PNOC: variants seen among roughly 807,000 people sequenced by gnomAD.
The protein encoded by PNOC is prepronociceptin, also known as nociceptin.
A neutral mutation model predicts 15.6 loss-of-function variants in PNOC; 10 were observed. That is an observed-to-expected ratio of 0.64 (90% CI 0.40 to 1.09). PNOC has a LOEUF of 1.09. Among genes scored for constraint, PNOC ranks in the 50% least tolerant of loss-of-function variants. The pLI is 0.01. For missense variants in PNOC, 220 were observed against 223.9 expected (o/e 0.98, Z 0.11); for synonymous variants, 98 against 88.5 (o/e 1.11, Z -0.60).
intron 3 of PNOC, chr8:28,340,307 T>C (rs772122769): frequency 4.6e-5 from 7 of 152,276 alleles, no homozygotes; most frequent in Non-Finnish European, 1.0e-4. Context: ...TTGTTCTCTC[T>C]TTCTTCTGCT....
At chr8:28,339,702 G>A (rs550288987) in intron 3 of PNOC, 24 of 384,844 alleles carry the variant, frequency 6.2e-5, no homozygotes, top group Non-Finnish European at 9.7e-5. Flanking sequence ...GCTAGAGACT[G>A]GTTACCATGG....
intron 1 of PNOC, among the ~76,000 whole-genome samples, chr8:28,325,651 CAAA>C (rs1260926640): frequency 3.7e-5 from 2 of 54,178 alleles, no homozygotes; most frequent in East Asian, 6.8e-4. Context: ...GACTCTGTCT[CAAA>C]AAAAAAAAAA....
chr8:28,336,665 C>A (rs1419823368), intron 2 of PNOC, among the ~76,000 whole-genome samples: 2 of 152,068 alleles, frequency 1.3e-5, no homozygotes, highest in Non-Finnish European at 2.9e-5. Context: ...ATATGATAAA[C>A]AATTAGACAG....
chr8:28,326,821 C>T (rs754284779), intron 1 of PNOC, among the ~76,000 whole-genome samples: 2 of 152,180 alleles, frequency 1.3e-5, no homozygotes, highest in African/African-American at 2.4e-5. Flanking sequence ...GATTGTGCCA[C>T]TGAACTGCAG....
At chr8:28,330,520 G>C (rs1221625727) in intron 2 of PNOC, among the ~76,000 whole-genome samples, 1 of 143,788 alleles carries the variant, frequency 7.0e-6, no homozygotes, top group Non-Finnish European at 1.5e-5. Flanking sequence ...TCAGCCTCCC[G>C]AGTAGCTGGG....
chr8:28,338,103 T>A (rs1801444627), intron 2 of PNOC, among the ~76,000 whole-genome samples: 1 of 152,064 alleles, frequency 6.6e-6, no homozygotes, highest in Non-Finnish European at 1.5e-5. Flanking sequence ...CTCACAGCAG[T>A]AAGGTCAGGT....
intron 2 of PNOC, among the ~76,000 whole-genome samples, chr8:28,330,408 T>TTTTTTTTTTTA (rs1801310843): frequency 7.1e-6 from 1 of 139,956 alleles, no homozygotes; most frequent in Admixed American, 7.2e-5. Context: ...TTTTTTTTTT[T>TTTTTTTTTTTA]TTTTGAGACG....
At chr8:28,323,062 C>T (rs552807000) in intron 1 of PNOC, among the ~76,000 whole-genome samples, 21 of 152,316 alleles carry the variant, frequency 1.4e-4, no homozygotes, top group Non-Finnish European at 2.5e-4. Flanking sequence ...TACAGGACTT[C>T]GAATAGGTCA....
intron 2 of PNOC, among the ~76,000 whole-genome samples, chr8:28,337,668 C>G (rs1309911876): frequency 6.7e-6 from 1 of 150,054 alleles, no homozygotes; most frequent in African/African-American, 2.5e-5. Flanking sequence ...CTGCAAGCTC[C>G]GCCTCCCGGG....
intron 2 of PNOC, among the ~76,000 whole-genome samples, chr8:28,329,901 T>C (rs539388650): frequency 6.6e-6 from 1 of 152,162 alleles, no homozygotes; most frequent in Non-Finnish European, 1.5e-5. Context: ...TGATTTAAAG[T>C]GTACAGGAGG....
intron 2 of PNOC, among the ~76,000 whole-genome samples, chr8:28,336,079 C>T (rs1388673600): frequency 6.6e-6 from 1 of 152,200 alleles, no homozygotes; most frequent in African/African-American, 2.4e-5. Flanking sequence ...CTAGCTGCGA[C>T]CCCTGTTCTT....
At chr8:28,323,620 C>T (rs1190526121) in intron 1 of PNOC, among the ~76,000 whole-genome samples, 1 of 152,234 alleles carries the variant, frequency 6.6e-6, no homozygotes, top group Non-Finnish European at 1.5e-5. Flanking sequence ...TGCAGTCACA[C>T]AGGTCCACAG....
chr8:28,340,770 A>G (rs1801503804), intron 3 of PNOC, among the ~76,000 whole-genome samples: 1 of 152,162 alleles, frequency 6.6e-6, no homozygotes, highest in African/African-American at 2.4e-5. Context: ...GGCGTGCCAC[A>G]TGGCAAGAGG....
chr8:28,342,761 C>A (rs920200408), intron 3 of PNOC, among the ~76,000 whole-genome samples, 181 bp from the exon 4 acceptor site: 1 of 152,188 alleles, frequency 6.6e-6, no homozygotes, highest in African/African-American at 2.4e-5. Flanking sequence ...CCAGTAGACC[C>A]GGGGCTGGGG....
chr8:28,336,317 A>C (rs1333516791), intron 2 of PNOC, among the ~76,000 whole-genome samples: 1 of 152,238 alleles, frequency 6.6e-6, no homozygotes, highest in Non-Finnish European at 1.5e-5. Flanking sequence ...TAAAGCATTA[A>C]AATTTCCACA....
At chr8:28,337,242 G>A (rs1801426080) in intron 2 of PNOC, among the ~76,000 whole-genome samples, 1 of 152,194 alleles carries the variant, frequency 6.6e-6, no homozygotes, top group African/African-American at 2.4e-5. Flanking sequence ...AGAGGAAAAC[G>A]GAATGTTCTT....
chr8:28,339,571 G>A lies in PNOC; in HGVS notation c.*47+80G>A, dbSNP rs142602795. On this transcript the variant is annotated intron_variant, in intron 3 of 3. Transcript: ENST00000301908. ...CTTAGCCTTGCTCCCAGGCCTAGAA[G>A]CACATTCATCTCCCCGCCCCCTCCC... The A allele has an allele frequency of 6.9e-6, 8 of 1,161,562 alleles. No individual in the cohort carries two copies. The South Asian group carries it at 1.3e-4, about 18-fold the overall frequency. The allele number at this position is 1,161,562 out of a possible 1,614,324, so 72.0% of individuals were successfully genotyped here.
intron 3 of PNOC, among the ~76,000 whole-genome samples, chr8:28,341,267 T>C (rs1312191443): frequency 6.6e-6 from 1 of 152,198 alleles, no homozygotes; most frequent in Non-Finnish European, 1.5e-5. Flanking sequence ...GTGTATTAAG[T>C]TGTGAAGAGA....
Position 28,329,270 on chromosome 8 carries a change from G to C in PNOC, c.113G>C (p.Ser38Thr). 1.2e-6 allele frequency: 2 copies of C among 1,613,568 alleles called. No individual in the cohort carries two copies. Among genetic ancestry groups the C allele is most frequent in the East Asian group, 4.5e-5 (2 of 44,888 alleles). ...GAGAAGCTCCACCCAGCCCTGGACA[G>C]CTTCGACCTGGAGGTAGGTCTCCAA... Reference protein sequence around the residue: ...CQEKLHPALDSFDLEVCILEC... With the variant: ...CQEKLHPALDTFDLEVCILEC... The change falls in exon 2 of 4, where the codon AGC (serine) becomes ACC (threonine). Residue 38 changes from serine to threonine, a missense_variant. Coordinates refer to ENST00000301908, the MANE Select transcript of PNOC (RefSeq NM_006228.5).
Sources: gnomAD v4.1 joint callset for allele counts (sites outside exome capture counted in the v4.1 genomes callset) on GRCh38, gnomAD v4.1.1 for gene constraint, MANE v1.5 for transcripts, NCBI Gene and HGNC (gene_info 2026-07-23, HGNC 2026-07-21) for gene names.